The following GET1 variants were observed in gnomAD, a reference collection of about 807,000 sequenced individuals.
The protein encoded by GET1 is guided entry of tail-anchored proteins factor 1, also known as congenital heart disease 5 protein.
Under a neutral mutation model 22.6 loss-of-function variants are expected in GET1, and 20 were observed. The observed-to-expected ratio is 0.89, with a 90% CI of 0.62 to 1.29. The LOEUF (loss-of-function observed/expected upper bound fraction) is 1.29, where lower values mean the gene tolerates loss of function less well. GET1 is among the 50% of genes most tolerant of loss of function. GET1 has a pLI of 0.00. For synonymous variants in GET1, 92 were observed against 83.8 expected, an observed-to-expected ratio of 1.10 and a Z score of -0.53; for missense variants, 209 against 219.9, an observed-to-expected ratio of 0.95 and a Z score of 0.31.
chr21:39,423,106 A>G (rs148944722), intron 1 of GET1: 9 of 1,613,890 alleles, frequency 5.6e-6, no homozygotes, highest in Admixed American at 3.3e-5. Flanking sequence ...TTTAGTCTTC[A>G]GTAACTGGCT....
At chr21:39,409,312 G>T (rs536825567), downstream of GET1, among the ~76,000 whole-genome samples, 9 of 152,260 alleles carry the variant, frequency 5.9e-5, no homozygotes, top group South Asian at 1.7e-3. The surrounding 1 kb of genome is among the most constrained non-coding windows in gnomAD (Gnocchi z 4.2). Flanking sequence ...AGAACCATGA[G>T]AAAATAAATA....
At chr21:39,414,774 G>GTA (rs1569077174) in intron 1 of GET1, among the ~76,000 whole-genome samples, 1 of 151,244 alleles carries the variant, frequency 6.6e-6, no homozygotes, top group East Asian at 1.9e-4. Context: ...GTGTGTGTGT[G>GTA]TGTGTCTGTG....
At chr21:39,401,614 CAT>C (rs1455654020), downstream of GET1, among the ~76,000 whole-genome samples, 3 of 152,088 alleles carry the variant, frequency 2.0e-5, no homozygotes, top group African/African-American at 7.2e-5. Context: ...AGCACGCAGA[CAT>C]GTCTGTTTTT....
At chr21:39,385,663 G>T (rs186336669) in intron 1 of GET1, among the ~76,000 whole-genome samples, 394 of 152,336 alleles carry the variant, frequency 2.6e-3, no homozygotes, top group African/African-American at 8.8e-3. Flanking sequence ...ACTGGCGGGG[G>T]CTGAGGGTCC....
intron 1 of GET1, among the ~76,000 whole-genome samples, chr21:39,417,064 G>A (rs1363840407): frequency 1.3e-5 from 2 of 152,130 alleles, no homozygotes; most frequent in African/African-American, 2.4e-5. Flanking sequence ...ACAGAGTCTC[G>A]CTCTGTCACC....
At chr21:39,380,686 A>G in intron 1 of GET1, 200 bp downstream of exon 1, 2 of 1,394,200 alleles carry the variant, frequency 1.4e-6, no homozygotes, top group Non-Finnish European at 1.9e-6. Flanking sequence ...TCTGGGTTCT[A>G]GGGGGTTGGG....
At chr21:39,384,383 A>T (rs2037752826) in intron 1 of GET1, among the ~76,000 whole-genome samples, 1 of 151,666 alleles carries the variant, frequency 6.6e-6, no homozygotes, top group East Asian at 1.9e-4. Flanking sequence ...TAGCCTCCCG[A>T]GTAGCTGGGA....
chr21:39,402,769 A>G (rs559116258), downstream of GET1, among the ~76,000 whole-genome samples: 1 of 152,338 alleles, frequency 6.6e-6, no homozygotes, highest in Non-Finnish European at 1.5e-5. Flanking sequence ...CCATGATCGT[A>G]AAGTTATGTT....
At chr21:39,420,597 T>C in intron 1 of GET1, 1 of 870,948 alleles carries the variant, frequency 1.1e-6, no homozygotes, top group Non-Finnish European at 1.7e-6. Context: ...AGAGGAGCCT[T>C]ATATATGTAT....
chr21:39,415,569 C>T (rs1322770505), intron 1 of GET1, among the ~76,000 whole-genome samples: 3 of 152,184 alleles, frequency 2.0e-5, no homozygotes, highest in African/African-American at 4.8e-5. Context: ...TAAAACCTAA[C>T]TGCAGTATCT....
downstream of GET1, chr21:39,409,929 C>T: frequency 9.2e-7 from 1 of 1,089,206 alleles, no homozygotes; most frequent in Middle Eastern, 2.4e-4. This position sits in a 1 kb window ranked among gnomAD's most constrained non-coding sequence, Gnocchi z 4.2. Context: ...TATAGTAATT[C>T]ACAATTTTAA....
chr21:39,381,060 G>C (rs909788092), intron 1 of GET1: 6 of 659,324 alleles, frequency 9.1e-6, no homozygotes, highest in Non-Finnish European at 9.4e-6. Context: ...CGGCTGCTGG[G>C]AGAGGCGAGT....
chr21:39,414,128 G>A (rs2837014), intron 1 of GET1: 81,148 of 152,054 alleles, frequency 0.53, 21,850 homozygotes, highest in East Asian at 0.67. Context: ...GTGGCTGGGA[G>A]TGTTCATGCA....
chr21:39,380,464 T>A lies in GET1; in HGVS notation c.80T>A (p.Leu27His), dbSNP rs764091258. The change falls in exon 1 of 5, where the codon CTC (leucine) becomes CAC (histidine). Residue 27 changes from leucine to histidine, a missense_variant. Leu to His is a moderately conservative substitution (Grantham distance 99). Transcript: ENST00000649170. ...FVFGCNVLRILLPSFSSFMSR... is the reference protein window; with the variant it reads ...FVFGCNVLRIHLPSFSSFMSR... Reference sequence around the variant, plus strand: ...TTTGGATGCAATGTTCTTAGGATCCTCCTCCCGTCCTTCTCATCCTTCGTA... The same window carrying A: ...TTTGGATGCAATGTTCTTAGGATCCACCTCCCGTCCTTCTCATCCTTCGTA... 2 of 1,612,744 alleles carry A rather than the reference T, an allele frequency of 1.2e-6. No homozygotes were observed. Among genetic ancestry groups the A allele is most frequent in the South Asian group, 1.1e-5 (1 of 90,666 alleles).
In GET1 at chr21:39,397,009, A is replaced by C; in HGVS notation, c.*70A>C. 2 of 1,539,220 alleles carry C rather than the reference A, an allele frequency of 1.3e-6. No individual in the cohort carries two copies. The highest frequency in any genetic ancestry group is 4.5e-5 in the East Asian group (2 of 44,194). On this transcript the variant is annotated 3_prime_UTR_variant, in exon 5 of 5. Transcript: ENST00000649170. ...CTTCCTAGCTTAAAATCTGATTTAC[A>C]CTGTTTTGTTTTTTAAGAAACAAAA...
At chr21:39,402,087 CTTTTA>C (rs964354336), downstream of GET1, among the ~76,000 whole-genome samples, 3 of 151,900 alleles carry the variant, frequency 2.0e-5, no homozygotes, top group African/African-American at 7.3e-5. Flanking sequence ...TTCGTGCTAG[CTTTTA>C]TTTTATTTAA....
chr21:39,386,680 C>G (rs1040472073), intron 1 of GET1, among the ~76,000 whole-genome samples: 5 of 152,170 alleles, frequency 3.3e-5, no homozygotes, highest in Admixed American at 6.5e-5. Context: ...TGCACGTTGT[C>G]ATGCCATCAA....
intron 1 of GET1, among the ~76,000 whole-genome samples, chr21:39,424,116 G>A (rs761727012): frequency 9.9e-5 from 15 of 152,088 alleles, no homozygotes; most frequent in Middle Eastern, 3.4e-3. Context: ...GGGTTCAAGC[G>A]ATTCTCCTGC....
intron 1 of GET1, chr21:39,386,154 C>T (rs1569032056): frequency 6.6e-6 from 1 of 152,296 alleles, no homozygotes; most frequent in Non-Finnish European, 1.5e-5. Flanking sequence ...TCACTTTCTG[C>T]TGTAAAGAGT....
Sources: gnomAD v4.1 joint callset for allele counts (sites outside exome capture counted in the v4.1 genomes callset) on GRCh38, gnomAD v4.1.1 for gene constraint, Gnocchi (gnomAD v3.1) non-coding constraint, MANE v1.5 for transcripts, NCBI Gene and HGNC (gene_info 2026-07-23, HGNC 2026-07-21) for gene names.